Variants in TFDP1 observed in about 807,000 individuals in gnomAD.
TFDP1 encodes DRTF1-polypeptide 1.
TFDP1 carries 6 observed loss-of-function variants against 48.0 expected under a neutral mutation model. That is an observed-to-expected ratio of 0.13 (90% CI 0.07 to 0.25). The LOEUF (loss-of-function observed/expected upper bound fraction) is 0.25. Ranked by LOEUF, TFDP1 falls within the 10% of genes least tolerant of loss-of-function variation. The pLI is 1.00. For synonymous variants in TFDP1, 201 were observed against 211.6 expected (o/e 0.95, Z 0.44); for missense variants, 335 against 543.0 (o/e 0.62, Z 3.81).
At chr13:113,635,714 G>A (rs1027333078) in intron 8 of TFDP1, among the ~76,000 whole-genome samples, 4 of 152,194 alleles carry the variant, frequency 2.6e-5, no homozygotes, top group Non-Finnish European at 5.9e-5. Context: ...GTTGAGCGCC[G>A]TTGCCGTGGA....
intron 2 of TFDP1, among the ~76,000 whole-genome samples, chr13:113,604,083 C>T (rs1392942477): frequency 2.7e-5 from 4 of 150,794 alleles, no homozygotes; most frequent in Non-Finnish European, 4.4e-5. Flanking sequence ...ATGGCTTGAA[C>T]CGGGAAGGTC....
In TFDP1 at chr13:113,627,820, C is replaced by CT. The variant is rs1413720798; in HGVS notation, c.187-3802dup. ...GAGGTGGGACAGTTTCTTCCCGAAA[C>CT]TACCCCCGACTCCGGTCTGTGGAAA... On this transcript the variant is annotated intron_variant, in intron 4 of 11. Transcript: ENST00000375370. This position sits in a 1 kb window ranked among gnomAD's most constrained non-coding sequence, Gnocchi z 4.1. Among the ~76,000 whole-genome samples the CT allele has an allele frequency of 3.3e-5, 5 of 152,182 alleles. No homozygotes were observed. The highest frequency in any genetic ancestry group is 7.3e-5 in the Non-Finnish European group (5 of 68,032).
At position 113,623,272 on chromosome 13, in the gene TFDP1, A is replaced by C. The variant is rs1487676115; in HGVS notation, c.172A>C (p.Ile58Leu). ...PKTFGQSNVN[I>L]AQQVVIGTPQ... ...AACCTTTGGACAGTCCAATGTCAAC[A>C]TTGCCCAGCAAGTGGTAAGCCTCCC... Residue 58 changes from isoleucine (I) to leucine (L), a missense_variant, in exon 4 of 12, where the codon ATT becomes CTT. Transcript: ENST00000375370. The surrounding 1 kb of genome is among the most constrained non-coding windows in gnomAD (Gnocchi z 5.2). 1 of 1,611,398 alleles carries C rather than the reference A, an allele frequency of 6.2e-7. No individual in the cohort carries two copies.
chr13:113,620,946 C>T (rs1434417475), intron 3 of TFDP1, among the ~76,000 whole-genome samples: 1 of 152,174 alleles, frequency 6.6e-6, no homozygotes, highest in Non-Finnish European at 1.5e-5. Context: ...TCTGTCTTGG[C>T]CAACTTAGGT....
At chr13:113,628,383 T>TAGGA (rs892705277) in intron 4 of TFDP1, among the ~76,000 whole-genome samples, 7 of 152,230 alleles carry the variant, frequency 4.6e-5, no homozygotes, top group Admixed American at 4.6e-4. Flanking sequence ...GTGAGCACAG[T>TAGGA]AGGAAGGGAG....
intron 2 of TFDP1, among the ~76,000 whole-genome samples, chr13:113,591,341 C>CA (rs745915921): frequency 0.013 from 826 of 65,802 alleles, 3 homozygotes; most frequent in African/African-American, 0.037. Context: ...GACTTCATCT[C>CA]AAAAAAAAAA....
At chr13:113,606,030 G>A (rs980688545) in intron 2 of TFDP1, among the ~76,000 whole-genome samples, 3 of 143,484 alleles carry the variant, frequency 2.1e-5, no homozygotes, top group East Asian at 2.1e-4. Flanking sequence ...AAGGCGGCGC[G>A]GTGATGAGTG....
chr13:113,626,682 GC>G (rs1317333163), intron 4 of TFDP1, among the ~76,000 whole-genome samples: 1 of 152,220 alleles, frequency 6.6e-6, no homozygotes, highest in Non-Finnish European at 1.5e-5. Flanking sequence ...GTTTGTGGAA[GC>G]CCTACCACGT....
chr13:113,619,481 CAA>C (rs1162300447), intron 3 of TFDP1, among the ~76,000 whole-genome samples: 4 of 110,488 alleles, frequency 3.6e-5, no homozygotes, highest in Non-Finnish European at 3.9e-5. Context: ...AAAAAAAAAA[CAA>C]AAAAAAAAAA....
chr13:113,621,324 A>G (rs1169662896), intron 3 of TFDP1, among the ~76,000 whole-genome samples: 4 of 152,146 alleles, frequency 2.6e-5, no homozygotes, highest in Non-Finnish European at 5.9e-5. Flanking sequence ...TGTATTTTCA[A>G]ATGGGGGGCT....
intron 2 of TFDP1, among the ~76,000 whole-genome samples, chr13:113,600,282 T>C (rs184084543): frequency 2.5e-3 from 132 of 53,746 alleles, no homozygotes; most frequent in African/African-American, 9.1e-3. Context: ...AGGACCGCGA[T>C]AGAGAACTCA....
chr13:113,630,494 G>A (rs1033440585), intron 4 of TFDP1, among the ~76,000 whole-genome samples: 1 of 152,244 alleles, frequency 6.6e-6, no homozygotes, highest in Non-Finnish European at 1.5e-5. Context: ...GAGCTGGGGG[G>A]GCCCAGCTTA....
At chr13:113,585,530 C>T (rs1200265942) in intron 1 of TFDP1, 2 of 262,512 alleles carry the variant, frequency 7.6e-6, no homozygotes, top group East Asian at 7.1e-5. Flanking sequence ...CGTCGGGGAC[C>T]TGGGGGTAGT....
intron 10 of TFDP1, chr13:113,637,128 C>T (rs187619498): frequency 3.5e-4 from 63 of 179,674 alleles, no homozygotes; most frequent in African/African-American, 1.4e-3. Context: ...TGGCGTCCTG[C>T]TCCGGAGGGC....
At position 113,623,141 on chromosome 13, in the gene TFDP1, A is replaced by C. The variant is rs1235943678; in HGVS notation, c.80-39A>C. ...GGTCGCTTGTAGCCTTAACTTAGAA[A>C]AGGAGTCTCGCCCTTGACCTGGTGT... On this transcript the variant is annotated intron_variant, in intron 3 of 11. Transcript: ENST00000375370. The surrounding 1 kb of genome is among the most constrained non-coding windows in gnomAD (Gnocchi z 5.2). 4 of 1,568,544 alleles carry C rather than the reference A, an allele frequency of 2.6e-6. No individual in the cohort carries two copies. The highest frequency in any genetic ancestry group is 3.5e-6 in the Non-Finnish European group (4 of 1,148,030).
At chr13:113,616,769 G>T (rs193140877) in intron 3 of TFDP1, among the ~76,000 whole-genome samples, 11 of 152,278 alleles carry the variant, frequency 7.2e-5, no homozygotes, top group South Asian at 2.1e-4. Context: ...CCCGACACAC[G>T]CACTGGTCTT....
chr13:113,586,193 A>G, intron 2 of TFDP1: 1 of 190,042 alleles, frequency 5.3e-6, no homozygotes, highest in Non-Finnish European at 1.1e-5. Flanking sequence ...ACCGCAGCGA[A>G]TCCTGCATTT....
Position 113,634,660 on chromosome 13 carries a change from A to G in TFDP1, c.687+58A>G, listed in dbSNP as rs925681061. The stretch of plus-strand genomic sequence containing the variant: ...ATTTTTATTTTACTAATTTAGCTTT[A>G]TAACGGCAACATACTGCCTTGGGTT... On this transcript the variant is annotated intron_variant, in intron 8 of 11. Coordinates refer to ENST00000375370, the MANE Select transcript of TFDP1 (RefSeq NM_007111.5). The G allele has an allele frequency of 4.5e-6, 6 of 1,342,846 alleles. No homozygotes were observed. In the African/African-American group the frequency reaches 8.8e-5, roughly 20 times the overall value. 83.2% of individuals were successfully genotyped at this position (1,342,846 alleles called of 1,614,324 possible).
At chr13:113,615,329 C>A (rs1267359636) in intron 3 of TFDP1, among the ~76,000 whole-genome samples, 1 of 152,192 alleles carries the variant, frequency 6.6e-6, no homozygotes, top group East Asian at 1.9e-4. Context: ...TGGGCTCTTA[C>A]TCATATCATG....
Sources: gnomAD v4.1 joint callset for allele counts (sites outside exome capture counted in the v4.1 genomes callset) on GRCh38, gnomAD v4.1.1 for gene constraint, Gnocchi (gnomAD v3.1) non-coding constraint, MANE v1.5 for transcripts, NCBI Gene and HGNC (gene_info 2026-07-23, HGNC 2026-07-21) for gene names.